Variants in PDE1A observed in about 807,000 individuals in gnomAD.
PDE1A encodes dual specificity calcium/calmodulin-dependent 3',5'-cyclic nucleotide phosphodiesterase 1A.
A neutral mutation model predicts 61.7 loss-of-function variants in PDE1A; 35 were observed. That is an observed-to-expected ratio of 0.57 (90% CI 0.43 to 0.75). The LOEUF is 0.75. Ranked by LOEUF, PDE1A falls within the 30% of genes least tolerant of loss-of-function variation. The pLI is 0.00. For synonymous variants in PDE1A, 232 were observed against 213.2 expected, an observed-to-expected ratio of 1.09 and a Z score of -0.77; for missense variants, 597 against 630.6, an observed-to-expected ratio of 0.95 and a Z score of 0.57.
At chr2:182,457,402 C>T (rs1255780268) in intron 2 of PDE1A, among the ~76,000 whole-genome samples, 3 of 151,910 alleles carry the variant, frequency 2.0e-5, no homozygotes, top group African/African-American at 7.2e-5. Context: ...AGCAAGATTT[C>T]TTCAGCCATC....
the PDE1A span, among the ~76,000 whole-genome samples, chr2:182,663,737 G>A: frequency 9.9e-5 from 15 of 151,910 alleles, no homozygotes; most frequent in Admixed American, 7.9e-4. Context: ...GGCTTAGTAC[G>A]TGAGTGACAA....
chr2:182,584,542 A>G, the PDE1A span, among the ~76,000 whole-genome samples: 3 of 152,244 alleles, frequency 2.0e-5, no homozygotes, highest in African/African-American at 7.2e-5. Context: ...CATATGTGAG[A>G]TGATGTGTGT....
the PDE1A span, among the ~76,000 whole-genome samples, chr2:182,563,990 G>A: frequency 4.4e-3 from 663 of 151,978 alleles, 4 homozygotes; most frequent in African/African-American, 0.015. Context: ...CACACTGATG[G>A]GTCTTGACTC....
intron 1 of PDE1A, among the ~76,000 whole-genome samples, chr2:182,349,263 A>C (rs1292470526): frequency 6.6e-6 from 1 of 152,186 alleles, no homozygotes; most frequent in African/African-American, 2.4e-5. Context: ...CCATAAATAA[A>C]CAGGATAAAC....
intron 3 of PDE1A, among the ~76,000 whole-genome samples, chr2:182,235,078 AAT>A (rs1237111597): frequency 4.6e-5 from 7 of 152,200 alleles, no homozygotes; most frequent in African/African-American, 1.7e-4. Context: ...GAAAGAAAAC[AAT>A]GTTATTTTCA....
chr2:182,525,198 T>C (rs1427376266), upstream of PDE1A, among the ~76,000 whole-genome samples: 1 of 152,180 alleles, frequency 6.6e-6, no homozygotes, highest in Admixed American at 6.5e-5. Context: ...AATAATTGCT[T>C]AATAATTATT....
intron 1 of PDE1A, among the ~76,000 whole-genome samples, chr2:182,401,922 C>T (rs1181188591): frequency 6.6e-6 from 1 of 152,134 alleles, no homozygotes; most frequent in Non-Finnish European, 1.5e-5. Context: ...CTGCCATTCA[C>T]AATTACTACA....
the PDE1A span, among the ~76,000 whole-genome samples, chr2:182,592,045 G>A: frequency 3.3e-5 from 5 of 152,258 alleles, no homozygotes; most frequent in East Asian, 9.7e-4. Flanking sequence ...TGCCTGATTA[G>A]AGTATTTCAA....
Position 182,242,159 on chromosome 2 carries a change from T to A in PDE1A, c.168-1867A>T, listed in dbSNP as rs140837487. The A allele has an allele frequency of 1.4e-3, 1,318 of 913,250 alleles. 3 individuals are homozygous for A. Among genetic ancestry groups the A allele is most frequent in the Non-Finnish European group, 1.7e-3 (1,213 of 709,726 alleles). 56.6% of individuals were successfully genotyped at this position (913,250 alleles called of 1,614,324 possible). On this transcript the variant is annotated intron_variant, in intron 2 of 13. Coordinates refer to ENST00000351439, the Ensembl canonical transcript of PDE1A. ...AGAATGACAGAAACCTGGCTGATGG[T>A]GCCAATTCCTCCACAGTAAATTTCA... is the stretch of plus-strand genomic sequence containing the variant.
intron 1 of PDE1A, among the ~76,000 whole-genome samples, chr2:182,364,476 A>AAAAAAC: frequency 7.6e-6 from 1 of 131,684 alleles, no homozygotes; most frequent in Non-Finnish European, 1.6e-5. Flanking sequence ...TAAAAAAAAA[A>AAAAAAC]AAAAAAAAAA....
In PDE1A at chr2:182,285,187, A is replaced by G. The variant is rs905829567; in HGVS notation, c.54-20773T>C. ...GCCATCCTGACTTCTGCACAGCTAT[A>G]TCTAAGGATACTCCTTGGTTTTTAT... is the stretch of plus-strand genomic sequence containing the variant. On this transcript the variant is annotated intron_variant, in intron 1 of 13. Transcript: ENST00000351439. Among the ~76,000 whole-genome samples, 30 of 152,060 alleles carry G rather than the reference A, an allele frequency of 2.0e-4. 1 individual carries two copies. Among genetic ancestry groups the G allele is most frequent in the Non-Finnish European group, 1.5e-5 (1 of 68,004 alleles).
intron 2 of PDE1A, among the ~76,000 whole-genome samples, chr2:182,432,079 C>CAT (rs1703978226): frequency 6.6e-6 from 1 of 152,030 alleles, no homozygotes; most frequent in African/African-American, 2.4e-5. Flanking sequence ...AGTCAAAGAA[C>CAT]ATATATTTAA....
the PDE1A span, among the ~76,000 whole-genome samples, chr2:182,645,441 T>A: frequency 1.3e-5 from 2 of 152,194 alleles, no homozygotes; most frequent in East Asian, 3.8e-4. Context: ...ATTTTCTTCA[T>A]CTTTACTAAG....
upstream of PDE1A, among the ~76,000 whole-genome samples, chr2:182,431,107 A>T (rs1479879742): frequency 7.0e-5 from 8 of 113,722 alleles, no homozygotes; most frequent in South Asian, 7.0e-4. Flanking sequence ...AGAGTATAAT[A>T]AAAAAAAAAA....
chr2:182,507,674 AAAC>A (rs1188893939), intron 2 of PDE1A, among the ~76,000 whole-genome samples: 6 of 152,242 alleles, frequency 3.9e-5, no homozygotes, highest in Non-Finnish European at 8.8e-5. Context: ...CTGCAACAGC[AAAC>A]AACAATATGA....
At chr2:182,192,745 G>A (rs1685805287) in intron 10 of PDE1A, among the ~76,000 whole-genome samples, 1 of 152,084 alleles carries the variant, frequency 6.6e-6, no homozygotes, top group Non-Finnish European at 1.5e-5. Context: ...GGCAGCCTGA[G>A]GTTCTCAGGC....
chr2:182,280,186 A>G (rs1045897037), intron 1 of PDE1A, among the ~76,000 whole-genome samples: 1 of 151,794 alleles, frequency 6.6e-6, no homozygotes, highest in Non-Finnish European at 1.5e-5. Flanking sequence ...TTTTACTAAC[A>G]TTATGTTCTG....
the PDE1A span, among the ~76,000 whole-genome samples, chr2:182,696,580 A>G: frequency 2.0e-5 from 3 of 152,156 alleles, no homozygotes; most frequent in African/African-American, 7.2e-5. Context: ...GTTCAAATCT[A>G]TAGAATGTAC....
At chr2:182,401,883 G>C (rs1357692439) in intron 1 of PDE1A, among the ~76,000 whole-genome samples, 1 of 152,090 alleles carries the variant, frequency 6.6e-6, no homozygotes, top group Non-Finnish European at 1.5e-5. Flanking sequence ...ACCAATAACA[G>C]ACAAACAGAG....
Sources: gnomAD v4.1 joint callset for allele counts (sites outside exome capture counted in the v4.1 genomes callset) on GRCh38, gnomAD v4.1.1 for gene constraint, MANE v1.5 for transcripts, NCBI Gene and HGNC (gene_info 2026-07-23, HGNC 2026-07-21) for gene names.